Variants in ASCC1 observed in about 807,000 individuals in gnomAD.
ASCC1 encodes the protein activating signal cointegrator 1 complex subunit 1.
A neutral mutation model predicts 46.6 loss-of-function variants in ASCC1; 35 were observed. The ratio of observed to expected loss-of-function variants is 0.75; its 90% CI spans 0.57 to 0.99. ASCC1 has a LOEUF of 0.99. ASCC1 is among the 50% of genes least tolerant of loss of function. ASCC1 has a pLI of 0.00. For missense variants in ASCC1, 376 were observed against 428.7 expected, an observed-to-expected ratio of 0.88 and a Z score of 1.09; for synonymous variants, 143 against 146.6, an observed-to-expected ratio of 0.98 and a Z score of 0.18.
intron 9 of ASCC1, among the ~76,000 whole-genome samples, chr10:72,099,088 T>G (rs1452546756): frequency 1.3e-5 from 2 of 152,134 alleles, no homozygotes; most frequent in Admixed American, 1.3e-4. Context: ...CTCATAATAC[T>G]TTCAACAAGT....
chr10:72,211,343 T>C (rs945070849), intron 2 of ASCC1, among the ~76,000 whole-genome samples: 2 of 152,180 alleles, frequency 1.3e-5, no homozygotes, highest in Admixed American at 1.3e-4. Context: ...TATCCAGGGA[T>C]TCTCCATCTG....
intron 3 of ASCC1, chr10:72,204,607 C>T: frequency 1.4e-6 from 2 of 1,422,116 alleles, no homozygotes; most frequent in Non-Finnish European, 1.9e-6. Flanking sequence ...TTATTTTAAC[C>T]TCTATGACTT....
At chr10:72,108,554 A>G (rs1392632234) in intron 9 of ASCC1, among the ~76,000 whole-genome samples, 3 of 152,206 alleles carry the variant, frequency 2.0e-5, no homozygotes, top group Non-Finnish European at 4.4e-5. Flanking sequence ...CACTGACCTC[A>G]TTTCTGTGAA....
intron 4 of ASCC1, among the ~76,000 whole-genome samples, chr10:72,201,428 T>C (rs7069184): frequency 0.056 from 8,458 of 152,254 alleles, 799 homozygotes; most frequent in African/African-American, 0.19. Flanking sequence ...GTGACTCTTG[T>C]CTATAATCCC....
Position 72,136,204 on chromosome 10 carries a change from G to C in ASCC1, c.747-3023C>G, listed in dbSNP as rs553535963. Among the ~76,000 whole-genome samples, 3 of 152,168 alleles carry C rather than the reference G, an allele frequency of 2.0e-5. No homozygotes were observed. The South Asian group carries it at 6.2e-4, about 32-fold the overall frequency. ...AGAGGTTAAGCCAGCTGGACTTCCT[G>C]GGTTGAATGGGGGACTTGGAGAACT... On this transcript the variant is annotated intron_variant, in intron 7 of 9. Coordinates refer to ENST00000672957, the MANE Select transcript of ASCC1 (RefSeq NM_001198800.3).
chr10:72,203,271 G>C (rs1478603980), intron 4 of ASCC1, among the ~76,000 whole-genome samples, 156 bp downstream of exon 4: 1 of 148,450 alleles, frequency 6.7e-6, no homozygotes, highest in East Asian at 1.9e-4. Flanking sequence ...GGGTAACAAG[G>C]GCAAAACTCC....
chr10:72,153,012 T>C (rs776120578), intron 6 of ASCC1, 24 bp from the exon 7 acceptor site: 1 of 1,613,850 alleles, frequency 6.2e-7, no homozygotes, highest in South Asian at 1.1e-5. Context: ...AGCATTAAGA[T>C]ATCTATAACT....
intron 5 of ASCC1, among the ~76,000 whole-genome samples, chr10:72,169,917 C>T (rs1850844508): frequency 1.3e-5 from 2 of 152,100 alleles, no homozygotes; most frequent in Admixed American, 1.3e-4. Flanking sequence ...ATCAGGAGTT[C>T]GAGACCAGCC....
chr10:72,115,909 TAAG>T (rs1171961078), intron 9 of ASCC1, among the ~76,000 whole-genome samples: 1 of 152,208 alleles, frequency 6.6e-6, no homozygotes, highest in Non-Finnish European at 1.5e-5. Flanking sequence ...AACACTCTAA[TAAG>T]AAAGTTGTTC....
chr10:72,189,871 T>C (rs1854141284), intron 5 of ASCC1: 2 of 594,424 alleles, frequency 3.4e-6, no homozygotes, highest in South Asian at 3.8e-5. Flanking sequence ...AATGCTTTTA[T>C]TTCTGTCTTC....
chr10:72,137,421 G>C (rs2132355992), intron 7 of ASCC1, among the ~76,000 whole-genome samples: 1 of 151,796 alleles, frequency 6.6e-6, no homozygotes, highest in Middle Eastern at 3.4e-3. Context: ...CCAGCTCCTT[G>C]GGAGGATGAG....
At chr10:72,214,339 T>C (rs1000040012) in intron 1 of ASCC1, among the ~76,000 whole-genome samples, 1 of 151,264 alleles carries the variant, frequency 6.6e-6, no homozygotes, top group Non-Finnish European at 1.5e-5. Context: ...CAAACTTCAG[T>C]GGTTATCTAA....
rs1236397966 is a variant in ASCC1, at chr10:72,128,127, A to G, written c.912T>C (p.Tyr304=). Residue 304 remains tyrosine (Y), a synonymous_variant, in exon 9 of 10, where the codon TAT becomes TAC. Transcript: ENST00000672957. ...RYNLYTAEGK[Y]IFKERESFDG... ...CAAATGATTCTCTTTCCTTGAAGAT[A>G]TATTTGCCTTCCGCTGTGTAGAGAT... is the stretch of plus-strand genomic sequence containing the variant. 2.5e-6 allele frequency: 4 copies of G among 1,614,020 alleles called. No individual in the cohort carries two copies. Among genetic ancestry groups the G allele is most frequent in the Non-Finnish European group, 2.5e-6 (3 of 1,179,944 alleles).
At chr10:72,192,648 C>G (rs545260700) in intron 5 of ASCC1, among the ~76,000 whole-genome samples, 1 of 152,062 alleles carries the variant, frequency 6.6e-6, no homozygotes, top group Non-Finnish European at 1.5e-5. Context: ...TGTACACCAC[C>G]GTGCCTGGCT....
chr10:72,145,683 G>C (rs558904684), intron 7 of ASCC1, among the ~76,000 whole-genome samples: 1 of 152,040 alleles, frequency 6.6e-6, no homozygotes, highest in South Asian at 2.1e-4. Context: ...TTTTTCCCTT[G>C]CTCAGTCTTT....
intron 3 of ASCC1, among the ~76,000 whole-genome samples, chr10:72,209,814 T>A (rs7907102): frequency 0.063 from 9,566 of 152,074 alleles, 1,005 homozygotes; most frequent in African/African-American, 0.22. Flanking sequence ...ATAAATTAAA[T>A]AAAAGGTTAT....
At chr10:72,186,856 C>T (rs7088358) in intron 5 of ASCC1, among the ~76,000 whole-genome samples, 22,534 of 130,404 alleles carry the variant, frequency 0.17, 4,885 homozygotes, top group African/African-American at 0.51. Context: ...CTGGCGAAAT[C>T]AAAGCAGTAA....
At position 72,153,760 on chromosome 10, in the gene ASCC1, A is replaced by T. The variant is rs188865241; in HGVS notation, c.627-772T>A. On this transcript the variant is annotated intron_variant, in intron 6 of 9. Transcript: ENST00000672957. ...TTATTTTTTTTGAGACAGTTTTGCTAGTCGCCCAGGCTGGAGTGCAATGGC... is the reference window on the plus strand; with the variant it reads ...TTATTTTTTTTGAGACAGTTTTGCTTGTCGCCCAGGCTGGAGTGCAATGGC... Among the ~76,000 whole-genome samples, 6 of 139,396 alleles carry T rather than the reference A, an allele frequency of 4.3e-5. No homozygotes were observed. In the East Asian group the frequency reaches 1.1e-3, roughly 26 times the overall value. The allele number at this position is 139,396 out of a possible 152,430, so 91.4% of individuals were successfully genotyped here.
At chr10:72,167,280 T>C (rs966240593) in intron 5 of ASCC1, among the ~76,000 whole-genome samples, 2 of 152,148 alleles carry the variant, frequency 1.3e-5, no homozygotes, top group Non-Finnish European at 2.9e-5. Context: ...AAATCAAAAG[T>C]AATGAACTAC....
Sources: gnomAD v4.1 joint callset for allele counts (sites outside exome capture counted in the v4.1 genomes callset) on GRCh38, gnomAD v4.1.1 for gene constraint, MANE v1.5 for transcripts, NCBI Gene and HGNC (gene_info 2026-07-23, HGNC 2026-07-21) for gene names.